TSHR: variants seen among roughly 807,000 people sequenced by gnomAD.
TSHR encodes thyrotropin receptor.
A neutral mutation model predicts 64.1 loss-of-function variants in TSHR; 51 were observed. That is an observed-to-expected ratio of 0.80 (90% CI 0.64 to 1.01). TSHR has a LOEUF of 1.01. TSHR is among the 50% of genes least tolerant of loss of function. The pLI, the probability that TSHR is intolerant of heterozygous loss-of-function variation, is 0.00. For missense variants in TSHR, 877 were observed against 942.8 expected (o/e 0.93, Z 0.91); for synonymous variants, 361 against 361.9 (o/e 1.00, Z 0.03).
At chr14:81,131,508 C>G in intron 8 of TSHR, among the ~76,000 whole-genome samples, 1 of 152,194 alleles carries the variant, frequency 6.6e-6, no homozygotes, top group Middle Eastern at 3.2e-3. Context: ...GATCTGGCTC[C>G]CAATACGTCC....
intron 1 of TSHR, among the ~76,000 whole-genome samples, chr14:80,962,723 A>G (rs1313485821): frequency 6.6e-6 from 1 of 152,260 alleles, no homozygotes. Context: ...CAGAGTGACT[A>G]TGCAGATGGA....
At chr14:81,087,860 T>A (rs772811474) in intron 3 of TSHR, 94 bp from the exon 4 acceptor site, 1 of 1,041,728 alleles carries the variant, frequency 9.6e-7, no homozygotes, top group Non-Finnish European at 1.5e-6. Flanking sequence ...ATTTTTCTCA[T>A]GAACGTTTGT....
chr14:81,027,018 A>C (rs1166500101), intron 1 of TSHR, among the ~76,000 whole-genome samples: 1 of 150,668 alleles, frequency 6.6e-6, no homozygotes, highest in Non-Finnish European at 1.5e-5. Context: ...CCTGGGCAAC[A>C]AGAGTGAAAC....
intron 2 of TSHR, 100 bp from the exon 3 acceptor site, chr14:81,068,154 T>A: frequency 9.2e-7 from 1 of 1,086,352 alleles, no homozygotes; most frequent in Non-Finnish European, 1.4e-6. Flanking sequence ...TGTTGCATGA[T>A]CTGGGAAGCG....
intron 3 of TSHR, among the ~76,000 whole-genome samples, chr14:81,075,369 A>G (rs1043199694): frequency 2.0e-5 from 3 of 152,194 alleles, no homozygotes; most frequent in African/African-American, 7.2e-5. Flanking sequence ...TTTATGTAAC[A>G]TTTTCATCTT....
chr14:80,982,443 G>A, intron 1 of TSHR: 1 of 1,189,220 alleles, frequency 8.4e-7, no homozygotes, highest in Non-Finnish European at 1.1e-6. Context: ...AGGAGTTGGA[G>A]CCTGTGACTG....
At chr14:80,995,022 ATAATGGACTT>A (rs1888937722) in intron 1 of TSHR, 1 of 152,214 alleles carries the variant, frequency 6.6e-6, no homozygotes, top group Non-Finnish European at 1.5e-5. Context: ...TCCAGCATAT[ATAATGGACTT>A]AAATTTACAA....
intron 8 of TSHR, among the ~76,000 whole-genome samples, chr14:81,136,813 C>T (rs898626283): frequency 6.6e-6 from 1 of 152,194 alleles, no homozygotes; most frequent in Non-Finnish European, 1.5e-5. Flanking sequence ...AACTTAGAGG[C>T]CACCTGGGAT....
chr14:81,005,801 A>G lies in TSHR; in HGVS notation c.170+49951A>G, dbSNP rs115663770. 5.1e-3 allele frequency among the ~76,000 whole-genome samples: 777 copies of G among 152,358 alleles called. 5 individuals are homozygous for G. The highest frequency in any genetic ancestry group is 0.017 in the African/African-American group (722 of 41,584). ...AAGGAGGACTGGATTAACAGCAGAT[A>G]AAAGTTCTAAATAATTTGACCTCTG... On this transcript the variant is annotated intron_variant, in intron 1 of 9. Transcript: ENST00000298171.
intron 1 of TSHR, chr14:81,012,275 AT>A (rs1889956160): frequency 6.6e-6 from 1 of 150,964 alleles, no homozygotes; most frequent in African/African-American, 2.4e-5. Context: ...TGAACTCATC[AT>A]TTTTTATGGC....
intron 8 of TSHR, among the ~76,000 whole-genome samples, chr14:81,122,785 G>T (rs566351229): frequency 6.6e-6 from 1 of 152,154 alleles, no homozygotes; most frequent in Non-Finnish European, 1.5e-5. Flanking sequence ...GTATTAACAA[G>T]CTTCCAGTAT....
At chr14:80,991,113 C>T (rs767599134) in intron 1 of TSHR, among the ~76,000 whole-genome samples, 27 of 152,176 alleles carry the variant, frequency 1.8e-4, no homozygotes, top group Non-Finnish European at 3.5e-4. Context: ...AATGTTTTCT[C>T]ATATGATGTT....
At chr14:81,139,987 T>A in intron 9 of TSHR, 120 bp downstream of exon 9, 1 of 1,341,300 alleles carries the variant, frequency 7.5e-7, no homozygotes, top group South Asian at 1.3e-5. Context: ...ATTGGAAGCA[T>A]CCATATGAAA....
chr14:81,122,020 C>CTTTGTTTTTTTTTTT (rs1890816835), intron 8 of TSHR, among the ~76,000 whole-genome samples: 1 of 44,880 alleles, frequency 2.2e-5, no homozygotes, highest in Non-Finnish European at 4.2e-5. Context: ...TTTTCTTTTC[C>CTTTGTTTTTTTTTTT]TTTTTTTTTT....
At chr14:81,023,377 A>G (rs1489129213) in intron 1 of TSHR, among the ~76,000 whole-genome samples, 1 of 152,082 alleles carries the variant, frequency 6.6e-6, no homozygotes, top group Admixed American at 6.6e-5. Context: ...TTCAAGATAA[A>G]TTTGGGTGGG....
intron 1 of TSHR, among the ~76,000 whole-genome samples, chr14:80,987,738 C>A (rs997441804): frequency 6.6e-6 from 1 of 152,128 alleles, no homozygotes; most frequent in Non-Finnish European, 1.5e-5. Context: ...TTCTTCACTG[C>A]CGCTGTTTCT....
At chr14:81,008,386 A>G (rs1405777154) in intron 1 of TSHR, among the ~76,000 whole-genome samples, 1 of 151,898 alleles carries the variant, frequency 6.6e-6, no homozygotes, top group Non-Finnish European at 1.5e-5. Context: ...GTTAGCCAGG[A>G]TGGTCTCCAT....
chr14:81,125,023 G>A (rs1055363610), intron 8 of TSHR, among the ~76,000 whole-genome samples: 1 of 152,122 alleles, frequency 6.6e-6, no homozygotes, highest in African/African-American at 2.4e-5. Flanking sequence ...CACCTACTGA[G>A]CTCCAGTAGT....
intron 1 of TSHR, among the ~76,000 whole-genome samples, chr14:80,971,881 G>T (rs1158330451): frequency 6.7e-6 from 1 of 150,108 alleles, no homozygotes; most frequent in Non-Finnish European, 1.5e-5. Flanking sequence ...ACTTGTAGTG[G>T]TATACACTTT....
Sources: allele counts gnomAD v4.1 joint callset (sites outside exome capture counted in the v4.1 genomes callset), GRCh38; gene constraint gnomAD v4.1.1; transcripts MANE v1.5; gene names NCBI Gene and HGNC (gene_info 2026-07-23, HGNC 2026-07-21).